CLSTN2: variants seen among roughly 807,000 people sequenced by gnomAD.
CLSTN2 encodes the protein calsyntenin 2.
Under a neutral mutation model 101.2 loss-of-function variants are expected in CLSTN2, and 48 were observed. The observed-to-expected ratio is 0.47, with a 90% CI of 0.38 to 0.60. CLSTN2 has a LOEUF of 0.60. CLSTN2 is among the 20% of genes least tolerant of loss of function. The pLI is 0.00. For synonymous variants in CLSTN2, 481 were observed against 463.6 expected (o/e 1.04, Z -0.48); for missense variants, 1,160 against 1,238.2 (o/e 0.94, Z 0.95).
intron 2 of CLSTN2, among the ~76,000 whole-genome samples, chr3:140,250,577 C>T (rs910413605): frequency 6.6e-6 from 1 of 152,124 alleles, no homozygotes; most frequent in African/African-American, 2.4e-5. Context: ...TTGGGGCTTC[C>T]CTGGAGTGGT....
At chr3:140,489,911 G>A (rs1476640266) in intron 8 of CLSTN2, among the ~76,000 whole-genome samples, 10 of 149,942 alleles carry the variant, frequency 6.7e-5, no homozygotes, top group East Asian at 2.0e-4. Flanking sequence ...GAAATAGTGC[G>A]TCTAGGGTCC....
chr3:140,451,544 A>C (rs987790736), intron 6 of CLSTN2, among the ~76,000 whole-genome samples: 4 of 152,156 alleles, frequency 2.6e-5, no homozygotes, highest in African/African-American at 7.2e-5. Context: ...CTGCCTCTAC[A>C]TTAGAAGCCT....
intron 2 of CLSTN2, among the ~76,000 whole-genome samples, chr3:140,323,522 C>G (rs930418814): frequency 6.6e-6 from 1 of 152,128 alleles, no homozygotes. Flanking sequence ...TTCTGTAATC[C>G]GCAAGGCTTT....
In CLSTN2 at chr3:140,314,735, C is replaced by G. The variant is rs945140686; in HGVS notation, c.233-88894C>G. Among the ~76,000 whole-genome samples the G allele has an allele frequency of 3.3e-5, 5 of 152,172 alleles. No homozygotes were observed. In the South Asian group the frequency reaches 8.3e-4, roughly 25 times the overall value. ...CATTTTGAGTCTAATAGTGGACACT[C>G]CCTTAAGAAGGAGCTTGTGCTGTTC... On this transcript the variant is annotated intron_variant, in intron 2 of 16. Transcript: ENST00000458420.
chr3:139,982,860 T>C (rs977117948), intron 1 of CLSTN2, among the ~76,000 whole-genome samples: 16 of 151,986 alleles, frequency 1.1e-4, no homozygotes, highest in Admixed American at 1.1e-3. Context: ...AGACATTAGT[T>C]CAGACTATAT....
intron 2 of CLSTN2, among the ~76,000 whole-genome samples, chr3:140,358,143 C>T (rs887767034): frequency 4.6e-5 from 7 of 152,226 alleles, no homozygotes; most frequent in Admixed American, 1.3e-4. Context: ...TGGGTCTCCT[C>T]GACTTGGAAT....
At chr3:140,018,725 T>TA (rs1365519366) in intron 1 of CLSTN2, among the ~76,000 whole-genome samples, 1 of 152,170 alleles carries the variant, frequency 6.6e-6, no homozygotes, top group African/African-American at 2.4e-5. Flanking sequence ...AGTTTGTGTG[T>TA]AAACAGCTGC....
chr3:140,177,628 A>AAAC (rs2010345308), intron 2 of CLSTN2, among the ~76,000 whole-genome samples: 1 of 151,818 alleles, frequency 6.6e-6, no homozygotes, highest in Non-Finnish European at 1.5e-5. Flanking sequence ...CATCTCTACA[A>AAAC]AATAATAATA....
chr3:140,347,687 C>T (rs182146299), intron 2 of CLSTN2, among the ~76,000 whole-genome samples: 4 of 152,178 alleles, frequency 2.6e-5, no homozygotes, highest in African/African-American at 9.6e-5. Flanking sequence ...GTTAATGGGT[C>T]GATTGTGTGT....
Position 140,079,995 on chromosome 3 carries a change from C to T in CLSTN2, c.110-95956C>T, listed in dbSNP as rs149532907. ...ACTTTGAGGAAGATGTGCTCATATACATTATTTTTATAATTCAGTCATATG... is the reference window on the plus strand; with the variant it reads ...ACTTTGAGGAAGATGTGCTCATATATATTATTTTTATAATTCAGTCATATG... On this transcript the variant is annotated intron_variant, in intron 1 of 16. Transcript: ENST00000458420. Among the ~76,000 whole-genome samples the T allele has an allele frequency of 3.9e-4, 59 of 152,238 alleles. No individual in the cohort carries two copies. The East Asian group carries it at 0.01, about 27-fold the overall frequency.
intron 1 of CLSTN2, among the ~76,000 whole-genome samples, chr3:140,054,689 G>A (rs1025672018): frequency 4.6e-5 from 7 of 152,212 alleles, no homozygotes; most frequent in Non-Finnish European, 1.0e-4. Context: ...ACAAGCCACT[G>A]CATATGAGTT....
At chr3:140,133,711 A>AC (rs2107805270) in intron 1 of CLSTN2, among the ~76,000 whole-genome samples, 1 of 152,310 alleles carries the variant, frequency 6.6e-6, no homozygotes, top group East Asian at 1.9e-4. Flanking sequence ...ATAGTACTGG[A>AC]ATAGCTTGGG....
chr3:140,048,236 T>A (rs563881569), intron 1 of CLSTN2, among the ~76,000 whole-genome samples: 1 of 152,320 alleles, frequency 6.6e-6, no homozygotes, highest in Non-Finnish European at 1.5e-5. Flanking sequence ...TAAAACAATC[T>A]CTAGTGTAAA....
intron 2 of CLSTN2, among the ~76,000 whole-genome samples, chr3:140,291,208 G>T (rs1004726998): frequency 6.6e-6 from 1 of 152,136 alleles, no homozygotes; most frequent in African/African-American, 2.4e-5. Flanking sequence ...CCTGGCCCGA[G>T]ATGAGCTTTC....
At chr3:140,534,632 C>T (rs781078129) in intron 9 of CLSTN2, among the ~76,000 whole-genome samples, 1 of 152,160 alleles carries the variant, frequency 6.6e-6, no homozygotes, top group Non-Finnish European at 1.5e-5. Context: ...GGATATGTAG[C>T]AAGAGGAAAA....
chr3:140,072,683 A>C (rs1404168388), intron 1 of CLSTN2, among the ~76,000 whole-genome samples: 1 of 152,210 alleles, frequency 6.6e-6, no homozygotes, highest in Non-Finnish European at 1.5e-5. Context: ...TCCATGATTA[A>C]TCAAAATCTC....
At chr3:140,056,670 C>T (rs2008102723) in intron 1 of CLSTN2, among the ~76,000 whole-genome samples, 3 of 152,200 alleles carry the variant, frequency 2.0e-5, no homozygotes, top group Admixed American at 6.5e-5. Flanking sequence ...ACAAATTACA[C>T]TCTCTAATTA....
chr3:140,131,988 G>C (rs1284123779), intron 1 of CLSTN2, among the ~76,000 whole-genome samples: 1 of 152,204 alleles, frequency 6.6e-6, no homozygotes, highest in Admixed American at 6.5e-5. Flanking sequence ...AGCCATACTT[G>C]TGTGTGATTT....
chr3:140,143,908 C>T (rs1318883781), intron 1 of CLSTN2, among the ~76,000 whole-genome samples: 1 of 152,222 alleles, frequency 6.6e-6, no homozygotes, highest in Non-Finnish European at 1.5e-5. Flanking sequence ...AGCTTCCGCT[C>T]TGTAGATACT....
Sources: gnomAD v4.1 joint callset for allele counts (sites outside exome capture counted in the v4.1 genomes callset) on GRCh38, gnomAD v4.1.1 for gene constraint, MANE v1.5 for transcripts, NCBI Gene and HGNC (gene_info 2026-07-23, HGNC 2026-07-21) for gene names.